The following AUTS2 variants were observed in gnomAD, a reference collection of about 807,000 sequenced individuals.
The protein encoded by AUTS2 is autism susceptibility gene 2 protein.
Under a neutral mutation model 112.4 loss-of-function variants are expected in AUTS2, and 17 were observed. That is an observed-to-expected ratio of 0.15 (90% CI 0.10 to 0.23). The LOEUF is 0.23. Among genes scored for constraint, AUTS2 ranks in the 10% least tolerant of loss-of-function variants. The pLI is 1.00. For missense variants in AUTS2, 1,510 were observed against 1,701.6 expected, an observed-to-expected ratio of 0.89 and a Z score of 1.98; for synonymous variants, 751 against 702.7, an observed-to-expected ratio of 1.07 and a Z score of -1.09.
At chr7:70,347,865 C>G (rs1791569685) in intron 4 of AUTS2, among the ~76,000 whole-genome samples, 1 of 152,158 alleles carries the variant, frequency 6.6e-6, no homozygotes, top group Non-Finnish European at 1.5e-5. Context: ...ACTCCCTGGC[C>G]TAGAGGACTG....
intron 3 of AUTS2, among the ~76,000 whole-genome samples, chr7:70,126,817 T>G (rs1261161408): frequency 6.6e-6 from 1 of 152,178 alleles, no homozygotes; most frequent in African/African-American, 2.4e-5. Context: ...GAATGTGACC[T>G]TTCTTCCCCG....
At chr7:69,751,416 G>A (rs1422091310) in intron 1 of AUTS2, among the ~76,000 whole-genome samples, 1 of 152,136 alleles carries the variant, frequency 6.6e-6, no homozygotes, top group African/African-American at 2.4e-5. Context: ...CCTCTAGGGA[G>A]AAGAGGAGAG....
At chr7:70,308,174 A>G (rs565695231) in intron 4 of AUTS2, among the ~76,000 whole-genome samples, 1 of 152,332 alleles carries the variant, frequency 6.6e-6, no homozygotes, top group East Asian at 1.9e-4. Flanking sequence ...TCGTTTTCAG[A>G]TATGGGACAA....
At chr7:70,773,957 A>AGG in intron 11 of AUTS2, 71 bp from the exon 12 acceptor site, 1 of 1,405,632 alleles carries the variant, frequency 7.1e-7, no homozygotes, top group Non-Finnish European at 1.0e-6. Context: ...ATTTAGCAGA[A>AGG]GGGAAGGATC....
At chr7:69,980,733 A>G (rs1184399250) in intron 2 of AUTS2, among the ~76,000 whole-genome samples, 2 of 152,170 alleles carry the variant, frequency 1.3e-5, no homozygotes, top group East Asian at 3.9e-4. Context: ...GGGAATTAAA[A>G]AAAAAATTGA....
intron 4 of AUTS2, among the ~76,000 whole-genome samples, chr7:70,165,685 G>A (rs576470519): frequency 3.9e-5 from 6 of 152,202 alleles, no homozygotes; most frequent in Non-Finnish European, 8.8e-5. Context: ...TCTTCAGATA[G>A]CAGGAGTACG....
rs554470506 is a variant in AUTS2 at position 70,053,633 on chromosome 7, G to A, written c.523-64499G>A. ...TGGCTCACTGAAGCCTTGCCCTCCAGGGCTAAAGTAATCCTTCCACCTCAT... is the reference window on the plus strand; with the variant it reads ...TGGCTCACTGAAGCCTTGCCCTCCAAGGCTAAAGTAATCCTTCCACCTCAT... On this transcript the variant is annotated intron_variant, in intron 2 of 18. Coordinates refer to ENST00000342771, the MANE Select transcript of AUTS2 (RefSeq NM_015570.4). Among the ~76,000 whole-genome samples the A allele has an allele frequency of 1.3e-4, 20 of 150,082 alleles. No individual in the cohort carries two copies. In the East Asian group the frequency reaches 3.6e-3, roughly 27 times the overall value.
At chr7:69,867,321 C>CT (rs1195914660) in intron 1 of AUTS2, among the ~76,000 whole-genome samples, 1 of 152,226 alleles carries the variant, frequency 6.6e-6, no homozygotes, top group East Asian at 1.9e-4. Flanking sequence ...TTTAAATTGC[C>CT]TTTTTTGCTC....
chr7:70,074,458 A>C (rs1004813860), intron 2 of AUTS2, among the ~76,000 whole-genome samples: 14 of 152,172 alleles, frequency 9.2e-5, no homozygotes, highest in African/African-American at 2.9e-4. Context: ...GCCACATAAA[A>C]ATGATTGTTG....
At chr7:70,422,235 AC>A (rs1300198310) in intron 4 of AUTS2, among the ~76,000 whole-genome samples, 1 of 152,218 alleles carries the variant, frequency 6.6e-6, no homozygotes, top group African/African-American at 2.4e-5. Context: ...TTGTAAAAAA[AC>A]AAAAAAAGAA....
intron 1 of AUTS2, among the ~76,000 whole-genome samples, chr7:69,694,475 CA>C (rs1264786783): frequency 6.6e-6 from 1 of 152,006 alleles, no homozygotes. Flanking sequence ...GAAAGGAAGT[CA>C]GGGGATAAGA....
intron 5 of AUTS2, among the ~76,000 whole-genome samples, chr7:70,461,513 C>T (rs116664130): frequency 6.0e-4 from 92 of 152,264 alleles, no homozygotes; most frequent in African/African-American, 1.8e-3. Flanking sequence ...CTCTTAGGTG[C>T]GCATCCGCTT....
chr7:70,315,937 T>C (rs1789975168), intron 4 of AUTS2, among the ~76,000 whole-genome samples: 1 of 152,232 alleles, frequency 6.6e-6, no homozygotes, highest in East Asian at 1.9e-4. Context: ...TTTAGTTGCC[T>C]TCTCAAGTTG....
At chr7:69,842,741 G>T (rs759551040) in intron 1 of AUTS2, among the ~76,000 whole-genome samples, 1 of 152,202 alleles carries the variant, frequency 6.6e-6, no homozygotes, top group Non-Finnish European at 1.5e-5. Flanking sequence ...AGAGCCTAAA[G>T]TTAAGTGTTT....
At chr7:70,023,574 A>G (rs984849203) in intron 2 of AUTS2, among the ~76,000 whole-genome samples, 1 of 152,204 alleles carries the variant, frequency 6.6e-6, no homozygotes, top group African/African-American at 2.4e-5. Context: ...GAGTTAATGA[A>G]TGTAAAGCAC....
intron 5 of AUTS2, among the ~76,000 whole-genome samples, chr7:70,526,079 G>A (rs754308360): frequency 2.0e-5 from 3 of 152,032 alleles, no homozygotes; most frequent in Non-Finnish European, 2.9e-5. Context: ...CACAATTCTC[G>A]CTGTCTCTCA....
chr7:69,929,190 G>A (rs564445571), intron 2 of AUTS2, among the ~76,000 whole-genome samples: 1 of 152,078 alleles, frequency 6.6e-6, no homozygotes, highest in African/African-American at 2.4e-5. Flanking sequence ...TAAAAGTGTT[G>A]CTCTACTGTT....
intron 1 of AUTS2, among the ~76,000 whole-genome samples, chr7:69,766,940 A>G (rs913793513): frequency 3.9e-5 from 6 of 152,196 alleles, no homozygotes; most frequent in African/African-American, 1.4e-4. Flanking sequence ...CTTCTCTGCC[A>G]TTGGGGTTGC....
intron 4 of AUTS2, among the ~76,000 whole-genome samples, chr7:70,256,587 T>C (rs1394445074): frequency 2.6e-5 from 4 of 152,236 alleles, no homozygotes; most frequent in African/African-American, 9.6e-5. Context: ...CCCAGAGTCC[T>C]GCAAGTTGGT....
Sources: allele counts gnomAD v4.1 joint callset (sites outside exome capture counted in the v4.1 genomes callset), GRCh38; gene constraint gnomAD v4.1.1; transcripts MANE v1.5; gene names NCBI Gene and HGNC (gene_info 2026-07-23, HGNC 2026-07-21).